The following TNPO3 variants were observed in gnomAD, a reference collection of about 807,000 sequenced individuals.
TNPO3 encodes transportin 3, also known as transportin-3.
Under a neutral mutation model 122.8 loss-of-function variants are expected in TNPO3, and 65 were observed. The ratio of observed to expected loss-of-function variants is 0.53; its 90% CI spans 0.43 to 0.65. TNPO3 has a LOEUF of 0.65. TNPO3 is among the 30% of genes least tolerant of loss of function. The pLI is 0.00. For synonymous variants in TNPO3, 372 were observed against 411.2 expected, an observed-to-expected ratio of 0.90 and a Z score of 1.15; for missense variants, 850 against 1,136.7, an observed-to-expected ratio of 0.75 and a Z score of 3.63.
intron 2 of TNPO3, 106 bp from the exon 3 acceptor site, chr7:129,017,162 T>C (rs1033739896): frequency 2.9e-6 from 3 of 1,047,712 alleles, no homozygotes; most frequent in Admixed American, 3.7e-5. Flanking sequence ...ATATGACAAC[T>C]AAGACTAACC....
intron 14 of TNPO3, 67 bp downstream of exon 14, chr7:128,982,181 C>T (rs1293928590): frequency 1.4e-6 from 2 of 1,385,560 alleles, no homozygotes; most frequent in East Asian, 4.7e-5. Flanking sequence ...TACTTGCTTA[C>T]TTCAATATAC....
rs141384941 is a variant in TNPO3, at chr7:129,041,115, C to T, written c.120+13536G>A. ...CATGGTGGCTCACACCTGTAATCCC[C>T]GAGCTTTCAGAGGCCTAGGCAGGAG... On this transcript the variant is annotated intron_variant, in intron 1 of 22. Transcript: ENST00000265388. Among the ~76,000 whole-genome samples, 1,065 of 152,224 alleles carry T rather than the reference C, an allele frequency of 7.0e-3. 11 individuals carry two copies. Among genetic ancestry groups the T allele is most frequent in the African/African-American group, 0.025 (1,021 of 41,556 alleles).
chr7:129,026,020 G>A (rs562976263), intron 1 of TNPO3, among the ~76,000 whole-genome samples: 1 of 151,734 alleles, frequency 6.6e-6, no homozygotes, highest in South Asian at 2.1e-4. Flanking sequence ...CAGCTACCCA[G>A]GAGGCTGAGG....
At chr7:128,979,862 G>A (rs772513504) in intron 15 of TNPO3, 109 bp downstream of exon 15, 2 of 967,320 alleles carry the variant, frequency 2.1e-6, no homozygotes, top group Non-Finnish European at 3.3e-6. Flanking sequence ...TCAACAAACT[G>A]AATCTCCCTA....
intron 1 of TNPO3, chr7:129,030,346 G>T: frequency 4.4e-6 from 1 of 226,458 alleles, no homozygotes; most frequent in South Asian, 6.2e-5. Context: ...TACTTTTAAT[G>T]GATTCCAGAG....
chr7:129,010,447 C>T lies in TNPO3; in HGVS notation c.552+4532G>A, dbSNP rs188264874. 5.9e-5 allele frequency among the ~76,000 whole-genome samples: 9 copies of T among 152,222 alleles called. No homozygotes were observed. The East Asian group carries it at 1.7e-3, about 29-fold the overall frequency. ...CCTTCCAACGTGCTGGAATTATAAG[C>T]ATAAACCACATTGCCTGGCCCATAA... On this transcript the variant is annotated intron_variant, in intron 4 of 22. Transcript: ENST00000265388.
intron 10 of TNPO3, among the ~76,000 whole-genome samples, chr7:128,990,884 C>A (rs1253450867): frequency 6.6e-6 from 1 of 152,280 alleles, no homozygotes. Context: ...TGGATTACAG[C>A]AAGACCACCC....
intron 8 of TNPO3, among the ~76,000 whole-genome samples, chr7:128,996,551 G>A (rs1801338130): frequency 6.6e-6 from 1 of 151,840 alleles, no homozygotes; most frequent in African/African-American, 2.4e-5. Flanking sequence ...AGACCATCCT[G>A]GCTAACACGG....
At chr7:129,004,174 T>C (rs190118431) in intron 5 of TNPO3, among the ~76,000 whole-genome samples, 1 of 152,296 alleles carries the variant, frequency 6.6e-6, no homozygotes, top group Admixed American at 6.5e-5. Context: ...GAAAAATGTC[T>C]TTCTTTTCTT....
chr7:128,961,923 A>G (rs1797496017), intron 21 of TNPO3, among the ~76,000 whole-genome samples: 1 of 152,210 alleles, frequency 6.6e-6, no homozygotes, highest in African/African-American at 2.4e-5. Context: ...CATAGAATAA[A>G]CACCAAGATG....
chr7:129,030,847 C>T (rs1805850416), intron 1 of TNPO3, among the ~76,000 whole-genome samples: 1 of 152,246 alleles, frequency 6.6e-6, no homozygotes, highest in South Asian at 2.1e-4. Context: ...CTCAAGAGTG[C>T]CCCTTGGCTG....
rs199869192 is a variant in TNPO3, at chr7:129,025,352, A to C, written c.121-7195T>G. ...GCAACAAGAGTGAAACTCTGTCACAAAAAAAAAAAAAAAAAAAAAAAAAAA... is the reference window on the plus strand; with the variant it reads ...GCAACAAGAGTGAAACTCTGTCACACAAAAAAAAAAAAAAAAAAAAAAAAA... On this transcript the variant is annotated intron_variant, in intron 1 of 22. Transcript: ENST00000265388. Among the ~76,000 whole-genome samples, 173 of 8,720 alleles carry C rather than the reference A, an allele frequency of 0.02. 1 individual carries two copies. The East Asian group carries it at 0.24, about 12-fold the overall frequency. 5.7% of individuals were successfully genotyped at this position (8,720 alleles called of 152,430 possible). A position where few individuals can be genotyped will look rare whatever the true frequency, so the allele number is the denominator to read the frequency against.
chr7:129,039,305 T>G (rs1340959781), intron 1 of TNPO3, among the ~76,000 whole-genome samples: 1 of 152,158 alleles, frequency 6.6e-6, no homozygotes, highest in African/African-American at 2.4e-5. Flanking sequence ...CTCACACCTA[T>G]AATCCCAGCA....
At chr7:128,985,906 T>C (rs939099495) in intron 12 of TNPO3, among the ~76,000 whole-genome samples, 18 of 152,242 alleles carry the variant, frequency 1.2e-4, no homozygotes, top group African/African-American at 3.4e-4. Flanking sequence ...CCAAGGCTAA[T>C]TGTTTAACAA....
At chr7:128,978,671 T>C (rs1389412968) in intron 16 of TNPO3, among the ~76,000 whole-genome samples, 1 of 152,202 alleles carries the variant, frequency 6.6e-6, no homozygotes, top group East Asian at 1.9e-4. Context: ...TCAAATTCTT[T>C]TTTTGAGATG....
At chr7:128,996,712 C>T (rs766704003) in intron 8 of TNPO3, among the ~76,000 whole-genome samples, 12 of 138,882 alleles carry the variant, frequency 8.6e-5, no homozygotes, top group Admixed American at 1.6e-4. Context: ...CACTGCACTC[C>T]AGCCTGGGTG....
chr7:129,049,260 T>C (rs1808418523), intron 1 of TNPO3, among the ~76,000 whole-genome samples: 1 of 152,048 alleles, frequency 6.6e-6, no homozygotes, highest in South Asian at 2.1e-4. Flanking sequence ...AAAGACTCAG[T>C]AAAGGAGTCT....
chr7:129,046,211 A>AAG (rs1554444678), intron 1 of TNPO3, among the ~76,000 whole-genome samples: 1 of 150,892 alleles, frequency 6.6e-6, no homozygotes, highest in Non-Finnish European at 1.5e-5. Flanking sequence ...AAAAAAAAAA[A>AAG]AAAAAAGAAA....
At position 128,993,798 on chromosome 7, in the gene TNPO3, T is replaced by C. The variant is rs1168460138; in HGVS notation, c.1266+9A>G. 5 of 1,605,728 alleles carry C rather than the reference T, an allele frequency of 3.1e-6. No homozygotes were observed. The highest frequency in any genetic ancestry group is 2.7e-5 in the African/African-American group (2 of 74,672). ...AGTAAAACTGGAAACAATCTCCAAA[T>C]AGGCTTACCTGAGCAAAACACTCCA... is the stretch of plus-strand genomic sequence containing the variant. On this transcript the variant is annotated intron_variant, in intron 9 of 22. Transcript: ENST00000265388.
Sources: gnomAD v4.1 joint callset for allele counts (sites outside exome capture counted in the v4.1 genomes callset) on GRCh38, gnomAD v4.1.1 for gene constraint, MANE v1.5 for transcripts, NCBI Gene and HGNC (gene_info 2026-07-23, HGNC 2026-07-21) for gene names.